The following MAN1C1 variants were observed in gnomAD, a reference collection of about 807,000 sequenced individuals.
MAN1C1 encodes mannosidase alpha class 1C member 1, also known as mannosyl-oligosaccharide 1,2-alpha-mannosidase IC.
MAN1C1 carries 49 observed loss-of-function variants against 71.5 expected under a neutral mutation model. The observed-to-expected ratio is 0.69, with a 90% CI of 0.54 to 0.87. The LOEUF (loss-of-function observed/expected upper bound fraction) is 0.87, where lower values mean the gene tolerates loss of function less well. Ranked by LOEUF, MAN1C1 falls within the 40% of genes least tolerant of loss-of-function variation. MAN1C1 has a pLI of 0.00. For missense variants in MAN1C1, 743 were observed against 835.0 expected, an observed-to-expected ratio of 0.89 and a Z score of 1.36; for synonymous variants, 352 against 343.7, an observed-to-expected ratio of 1.02 and a Z score of -0.27.
rs373493786 is a variant in MAN1C1 at position 25,746,801 on chromosome 1, G to A, written c.753+18G>A. 42 of 1,356,764 alleles carry A rather than the reference G, an allele frequency of 3.1e-5. No individual in the cohort carries two copies. The highest frequency in any genetic ancestry group is 1.4e-4 in the South Asian group (11 of 80,758). 84.0% of individuals were successfully genotyped at this position (1,356,764 alleles called of 1,614,324 possible). A position where few individuals can be genotyped will look rare whatever the true frequency, so the allele number is the denominator to read the frequency against. ...TGAACGTGGTGAGTCAGAGGCCCTC[G>A]GCGGGGGAGGGGGGCGGGGGCCAGA... On this transcript the variant is annotated intron_variant, in intron 3 of 11. Transcript: ENST00000374332. The surrounding 1 kb of genome is among the most constrained non-coding windows in gnomAD (Gnocchi z 4.0).
At chr1:25,774,734 C>A (rs921614557) in intron 8 of MAN1C1, among the ~76,000 whole-genome samples, 6 of 152,202 alleles carry the variant, frequency 3.9e-5, no homozygotes, top group African/African-American at 1.4e-4. Context: ...AGCTGAGATT[C>A]AAACCCAGGC....
At chr1:25,632,874 T>C (rs1334762095) in intron 1 of MAN1C1, among the ~76,000 whole-genome samples, 2 of 148,790 alleles carry the variant, frequency 1.3e-5, no homozygotes, top group East Asian at 1.9e-4. Context: ...GATTTTTTTT[T>C]TTTTTTTTTT....
chr1:25,620,037 G>A (rs2045182501), intron 1 of MAN1C1, among the ~76,000 whole-genome samples: 1 of 152,230 alleles, frequency 6.6e-6, no homozygotes. Flanking sequence ...ATTTCCGAAT[G>A]CCAGGGGCTG....
At chr1:25,700,331 A>C (rs1303199989) in intron 2 of MAN1C1, among the ~76,000 whole-genome samples, 1 of 152,224 alleles carries the variant, frequency 6.6e-6, no homozygotes, top group African/African-American at 2.4e-5. Context: ...CATGGCTCCC[A>C]GATAATGCTC....
At chr1:25,694,818 C>G (rs2046349738) in intron 2 of MAN1C1, among the ~76,000 whole-genome samples, 1 of 152,200 alleles carries the variant, frequency 6.6e-6, no homozygotes, top group Non-Finnish European at 1.5e-5. Context: ...ACGTATGTTT[C>G]TGGGAGGTAG....
chr1:25,771,276 A>T (rs534390893), intron 7 of MAN1C1, among the ~76,000 whole-genome samples: 1 of 152,172 alleles, frequency 6.6e-6, no homozygotes, highest in Non-Finnish European at 1.5e-5. Context: ...ATTAATTATC[A>T]TGTTTGTCAC....
In MAN1C1 at chr1:25,700,813, G is replaced by A. The variant is rs543829456; in HGVS notation, c.637+14277G>A. On this transcript the variant is annotated intron_variant, in intron 2 of 11. Coordinates refer to ENST00000374332, the MANE Select transcript of MAN1C1 (RefSeq NM_020379.4). ...CTGTGACAGGTCGGGGGACAGGCCA[G>A]GCCAAGCGTAGGAGGCCCTGCTGGG... 1.1e-4 allele frequency among the ~76,000 whole-genome samples: 17 copies of A among 152,300 alleles called. No homozygotes were observed. In the South Asian group the frequency reaches 3.5e-3, roughly 32 times the overall value.
At chr1:25,643,380 G>A (rs2045563830) in intron 1 of MAN1C1, among the ~76,000 whole-genome samples, 1 of 148,738 alleles carries the variant, frequency 6.7e-6, no homozygotes, top group Non-Finnish European at 1.5e-5. Context: ...TCAGCCTCCT[G>A]AGTAGCTGGG....
chr1:25,639,561 C>T (rs2045510592), intron 1 of MAN1C1, among the ~76,000 whole-genome samples: 1 of 152,154 alleles, frequency 6.6e-6, no homozygotes, highest in Admixed American at 6.5e-5. Flanking sequence ...CTATATTCTC[C>T]ACCCTTCCTT....
chr1:25,666,430 G>A (rs898388651), intron 1 of MAN1C1, among the ~76,000 whole-genome samples: 2 of 152,152 alleles, frequency 1.3e-5, no homozygotes, highest in Middle Eastern at 3.2e-3. Context: ...AGAGCAAACG[G>A]TAGCACACAT....
At chr1:25,683,014 G>A (rs933943708) in intron 1 of MAN1C1, among the ~76,000 whole-genome samples, 1 of 149,330 alleles carries the variant, frequency 6.7e-6, no homozygotes, top group South Asian at 2.1e-4. Context: ...CTCCAGCCTG[G>A]ACAGCAGAGT....
At chr1:25,644,439 A>G (rs753881006) in intron 1 of MAN1C1, 1 of 148,070 alleles carries the variant, frequency 6.8e-6, no homozygotes, top group Non-Finnish European at 1.5e-5. Flanking sequence ...AGGTGGACAC[A>G]TCTAATGGGT....
In MAN1C1 at chr1:25,778,090, C is replaced by A; in HGVS notation, c.1258-15C>A. On this transcript the variant is annotated splice_polypyrimidine_tract_variant and intron_variant, in intron 8 of 11. Coordinates refer to ENST00000374332, the MANE Select transcript of MAN1C1 (RefSeq NM_020379.4). This position sits in a 1 kb window ranked among gnomAD's most constrained non-coding sequence, Gnocchi z 5.5. The stretch of plus-strand genomic sequence containing the variant: ...CACGCCCCTTCTCCCTGCCCAATCC[C>A]CACCTTGCTCCCAGGCGATAGAGAC... 1 of 1,534,550 alleles carries A rather than the reference C, an allele frequency of 6.5e-7. No homozygotes were observed. Among genetic ancestry groups the A allele is most frequent in the Admixed American group, 2.0e-5 (1 of 50,724 alleles).
chr1:25,757,273 G>A (rs1162499273), intron 5 of MAN1C1, among the ~76,000 whole-genome samples: 1 of 152,198 alleles, frequency 6.6e-6, no homozygotes, highest in Non-Finnish European at 1.5e-5. Context: ...GTTCCTGGGA[G>A]GGCAGTGTGA....
intron 2 of MAN1C1, among the ~76,000 whole-genome samples, chr1:25,739,830 C>T (rs2047034804): frequency 6.6e-6 from 1 of 152,142 alleles, no homozygotes; most frequent in Non-Finnish European, 1.5e-5. Flanking sequence ...GACGTAGTCA[C>T]CACAGACGCC....
intron 2 of MAN1C1, among the ~76,000 whole-genome samples, chr1:25,706,456 G>A (rs1357308423): frequency 6.6e-6 from 1 of 152,148 alleles, no homozygotes; most frequent in African/African-American, 2.4e-5. Flanking sequence ...TCGGGGCTCA[G>A]CCAAGTTGTG....
intron 2 of MAN1C1, among the ~76,000 whole-genome samples, chr1:25,718,659 T>G (rs929266174): frequency 6.6e-6 from 1 of 152,210 alleles, no homozygotes; most frequent in Admixed American, 6.5e-5. Context: ...CTTTTTTGGA[T>G]GTTTCATAAA....
chr1:25,698,911 G>A (rs1328329880), intron 2 of MAN1C1, among the ~76,000 whole-genome samples: 1 of 150,622 alleles, frequency 6.6e-6, no homozygotes, highest in African/African-American at 2.5e-5. Flanking sequence ...TCGCGCCACT[G>A]CACTCCAGCC....
chr1:25,677,730 T>C (rs1572142489), intron 1 of MAN1C1, among the ~76,000 whole-genome samples: 1 of 152,164 alleles, frequency 6.6e-6, no homozygotes, highest in African/African-American at 2.4e-5. Context: ...TGAGAATAGA[T>C]GATGTTTCTG....
Sources: gnomAD v4.1 joint callset for allele counts (sites outside exome capture counted in the v4.1 genomes callset) on GRCh38, gnomAD v4.1.1 for gene constraint, Gnocchi (gnomAD v3.1) non-coding constraint, MANE v1.5 for transcripts, NCBI Gene and HGNC (gene_info 2026-07-23, HGNC 2026-07-21) for gene names.